CRYBG3: variants seen among roughly 807,000 people sequenced by gnomAD.
The protein encoded by CRYBG3 is very large A-kinase anchor protein.
CRYBG3 carries 127 observed loss-of-function variants against 244.2 expected under a neutral mutation model. The ratio of observed to expected loss-of-function variants is 0.52; its 90% CI spans 0.45 to 0.60. The LOEUF (loss-of-function observed/expected upper bound fraction) is 0.60, where lower values mean the gene tolerates loss of function less well. Ranked by LOEUF, CRYBG3 falls within the 20% of genes least tolerant of loss-of-function variation. The pLI, the probability that CRYBG3 is intolerant of heterozygous loss-of-function variation, is 0.00. For synonymous variants in CRYBG3, 1,132 were observed against 1,195.8 expected, an observed-to-expected ratio of 0.95 and a Z score of 1.10; for missense variants, 3,325 against 3,442.5, an observed-to-expected ratio of 0.97 and a Z score of 0.85.
rs2039335657 is a variant in CRYBG3, at chr3:97,873,813, A to G, written c.2619A>G (p.Ser873=). The change falls in exon 4 of 22, where the codon TCA becomes TCG. Residue 873 remains serine, a synonymous_variant. Coordinates refer to ENST00000389622, the MANE Select transcript of CRYBG3 (RefSeq NM_153605.4). ...ATGTTCCAGAAAAGCCTATTTTGTC[A>G]GAATTAACCTTTCTAGAAGTTGAAC... ...ITHVPEKPIL[S]ELTFLEVEQG... is the part of the protein sequence containing the mutation. The G allele has an allele frequency of 1.3e-6, 2 of 1,532,050 alleles. No homozygotes were observed. Among genetic ancestry groups the G allele is most frequent in the Non-Finnish European group, 1.7e-6 (2 of 1,145,616 alleles). The allele number at this position is 1,532,050 out of a possible 1,614,324, so 94.9% of individuals were successfully genotyped here.
chr3:97,896,220 C>A, intron 12 of CRYBG3, 135 bp downstream of exon 12: 1 of 711,250 alleles, frequency 1.4e-6, no homozygotes, highest in African/African-American at 1.8e-5. Context: ...ACTGCTTATG[C>A]AACTTGCCTG....
rs1392974623 is a variant in CRYBG3, at chr3:97,943,309, T to C, written c.8908T>C (p.Leu2970=). 1.6e-5 allele frequency: 25 copies of C among 1,546,080 alleles called. No individual in the cohort carries two copies. Among genetic ancestry groups the C allele is most frequent in the East Asian group, 2.3e-5 (1 of 44,400 alleles). Reference sequence around the variant, plus strand: ...AACACAGAAATGGGACATTGAAATATTGTGAGAGAATCAACATCCCTAGAA... The same window carrying C: ...AACACAGAAATGGGACATTGAAATACTGTGAGAGAATCAACATCCCTAGAA... The part of the protein sequence containing the change: ...EETQKWDIEI[L] Residue 2970 remains leucine (L), a synonymous_variant, in exon 22 of 22, where the codon TTG becomes CTG. Coordinates refer to ENST00000389622, the MANE Select transcript of CRYBG3 (RefSeq NM_153605.4).
Position 97,892,887 on chromosome 3 carries a change from C to A in CRYBG3, c.7468C>A (p.His2490Asn). Reference protein sequence around the residue: ...KVIIYEKPHFHGQAKEFSEHI... With the variant: ...KVIIYEKPHFNGQAKEFSEHI... ...TATTATTTATGAAAAACCTCACTTC[C>A]ATGGACAGGCTAAAGAGTTTAGTGA... Residue 2490 changes from histidine (H) to asparagine (N), a missense_variant, in exon 11 of 22, where the codon CAT (histidine) becomes AAT (asparagine). His to Asn is a moderately conservative substitution (Grantham distance 68). Around this residue, in one of 4 missense-constraint regions of CRYBG3, gnomAD observed 714 missense variants for 803.6 expected, o/e 0.89. Transcript: ENST00000389622. The A allele has an allele frequency of 6.5e-7, 1 of 1,534,280 alleles. No individual in the cohort carries two copies. The highest frequency in any genetic ancestry group is 8.9e-7 in the Non-Finnish European group (1 of 1,125,700).
intron 21 of CRYBG3, 31 bp downstream of exon 21, chr3:97,942,474 C>G: frequency 1.3e-6 from 2 of 1,559,384 alleles, no homozygotes; most frequent in Admixed American, 1.8e-5. Context: ...AATGTTGTGT[C>G]CCTGGATATT....
At chr3:97,839,406 T>C (rs1197664684) in intron 1 of CRYBG3, among the ~76,000 whole-genome samples, 1 of 152,140 alleles carries the variant, frequency 6.6e-6, no homozygotes, top group Admixed American at 6.6e-5. Context: ...AATGTTTTGT[T>C]TTATTTTTAA....
At chr3:97,878,756 TACA>T (rs1395746629) in intron 4 of CRYBG3, among the ~76,000 whole-genome samples, 4 of 152,232 alleles carry the variant, frequency 2.6e-5, no homozygotes, top group African/African-American at 7.2e-5. Flanking sequence ...AGCCTCGCAC[TACA>T]ACAACTCATG....
chr3:97,884,947 C>T (rs2039491217), intron 7 of CRYBG3, among the ~76,000 whole-genome samples: 1 of 152,076 alleles, frequency 6.6e-6, no homozygotes, highest in Admixed American at 6.6e-5. Flanking sequence ...TTGTACAACA[C>T]AATGCAGAGG....
rs779567508 is a variant in CRYBG3 at position 97,880,011 on chromosome 3, T to C, written c.6915T>C (p.Ser2305=). The change falls in exon 6 of 22, where the codon AGT becomes AGC. Residue 2305 remains serine, a synonymous_variant. Transcript: ENST00000389622. ...GKMVIYDLHE[S]TYKQEVYCNI... ...TGGTTATCTATGATCTCCATGAAAG[T>C]ACATATAAACAAGAAGTCTACTGTA... 2.7e-5 allele frequency: 43 copies of C among 1,579,684 alleles called. No individual in the cohort carries two copies. The Admixed American group carries it at 4.9e-4, about 18-fold the overall frequency.
rs138949398 is a variant in CRYBG3 at position 97,866,126 on chromosome 3, G to C, written c.647+1479G>C. Among the ~76,000 whole-genome samples the C allele has an allele frequency of 3.9e-4, 60 of 152,196 alleles. 1 individual carries two copies. In the East Asian group the frequency reaches 0.011, roughly 28 times the overall value. On this transcript the variant is annotated intron_variant, in intron 3 of 21. Coordinates refer to ENST00000389622, the MANE Select transcript of CRYBG3 (RefSeq NM_153605.4). ...CAAGGAAATGCAAACTAAAATGAGA[G>C]TTTTTTCCCCTGTTAAATTGATAAC... is the stretch of plus-strand genomic sequence containing the variant.
chr3:97,939,182 C>T (rs2107107363), intron 19 of CRYBG3, among the ~76,000 whole-genome samples: 1 of 152,120 alleles, frequency 6.6e-6, no homozygotes, highest in South Asian at 2.1e-4. Context: ...TCTACTTTTA[C>T]AAGGAAGTTT....
Position 97,942,340 on chromosome 3 carries a change from A to G in CRYBG3, c.8721A>G (p.Val2907=). Residue 2907 remains valine, a synonymous_variant, in exon 21 of 22, where the codon GTA becomes GTG. Transcript: ENST00000389622. The stretch of plus-strand genomic sequence containing the variant: ...GCCGGGACACACCTGGAGCTAAAGT[A>G]GCTCTATGGACTGAACATGGGCAAT... ...IGGRDTPGAK[V]ALWTEHGQFR... is the part of the protein sequence containing the mutation. The G allele has an allele frequency of 6.2e-7, 1 of 1,611,864 alleles. No individual in the cohort carries two copies. The highest frequency in any genetic ancestry group is 8.5e-7 in the Non-Finnish European group (1 of 1,178,576).
rs189067701 is a variant in CRYBG3, at chr3:97,903,069, C to A, written c.8004+2584C>A. On this transcript the variant is annotated intron_variant, in intron 15 of 21. Transcript: ENST00000389622. ...TTGTTTCTAGAATCTTTTTAAAGTC[C>A]ATTTCCAGATATAATTAAATGTTTG... Among the ~76,000 whole-genome samples, 5 of 152,248 alleles carry A rather than the reference C, an allele frequency of 3.3e-5. No individual in the cohort carries two copies. In the East Asian group the frequency reaches 9.7e-4, roughly 29 times the overall value.
intron 7 of CRYBG3, among the ~76,000 whole-genome samples, chr3:97,886,106 C>T (rs2108228030): frequency 6.6e-6 from 1 of 152,248 alleles, no homozygotes; most frequent in African/African-American, 2.4e-5. Flanking sequence ...TGGAGTCCTA[C>T]AGGGAGGAAA....
intron 16 of CRYBG3, 49 bp from the exon 17 acceptor site, chr3:97,915,561 C>T: frequency 6.4e-7 from 1 of 1,573,858 alleles, no homozygotes; most frequent in Non-Finnish European, 8.7e-7. Flanking sequence ...TGAGCCTATA[C>T]TGCCAAGTGA....
intron 3 of CRYBG3, among the ~76,000 whole-genome samples, chr3:97,870,538 T>A (rs556025563): frequency 4.6e-5 from 7 of 152,184 alleles, no homozygotes; most frequent in Non-Finnish European, 7.3e-5. Context: ...CAATCTACCA[T>A]TGATGGACAT....
intron 10 of CRYBG3, among the ~76,000 whole-genome samples, chr3:97,890,184 T>C (rs2039559717): frequency 6.6e-6 from 1 of 152,202 alleles, no homozygotes; most frequent in African/African-American, 2.4e-5. Context: ...GTATCTAATA[T>C]ACTTTGACTG....
intron 4 of CRYBG3, among the ~76,000 whole-genome samples, 197 bp downstream of exon 4, chr3:97,878,234 C>A (rs939487047): frequency 4.6e-5 from 7 of 152,058 alleles, no homozygotes; most frequent in African/African-American, 1.7e-4. Context: ...GATGGTGAAA[C>A]CTTGTCTCTA....
chr3:97,838,286 A>T (rs187689908), intron 1 of CRYBG3, among the ~76,000 whole-genome samples: 1 of 152,254 alleles, frequency 6.6e-6, no homozygotes, highest in Admixed American at 6.5e-5. Context: ...CTTTAGCCAC[A>T]CTTAACATCT....
chr3:97,838,684 G>A (rs1385978833), intron 1 of CRYBG3, among the ~76,000 whole-genome samples: 3 of 152,104 alleles, frequency 2.0e-5, no homozygotes, highest in Non-Finnish European at 4.4e-5. Context: ...TGTTGAGTGG[G>A]TGAGTGAGTT....
Sources: allele counts gnomAD v4.1 joint callset (sites outside exome capture counted in the v4.1 genomes callset), GRCh38; gene constraint gnomAD v4.1.1; regional missense constraint gnomAD v4.1.1; transcripts MANE v1.5; gene names NCBI Gene and HGNC (gene_info 2026-07-23, HGNC 2026-07-21).